RABGEF1: variants seen among roughly 807,000 people sequenced by gnomAD.
The protein encoded by RABGEF1 is RAB guanine nucleotide exchange factor 1, also known as rab5 GDP/GTP exchange factor.
In RABGEF1, 26 loss-of-function variants were observed where a neutral mutation model predicts 57.3. The observed-to-expected ratio is 0.45, with a 90% CI of 0.33 to 0.63. RABGEF1 has a LOEUF of 0.63. Ranked by LOEUF, RABGEF1 falls within the 20% of genes least tolerant of loss-of-function variation. RABGEF1 has a pLI of 0.02. For missense variants in RABGEF1, 464 were observed against 607.6 expected (o/e 0.76, Z 2.48); for synonymous variants, 185 against 210.7 (o/e 0.88, Z 1.06).
chr7:66,761,304 A>C (rs74712376), intron 1 of RABGEF1, among the ~76,000 whole-genome samples: 6,001 of 151,962 alleles, frequency 0.039, 168 homozygotes, highest in East Asian at 0.086. Context: ...ATCAGTTGCA[A>C]CTCTGGGCCT....
At chr7:66,778,684 G>T (rs77336833) in intron 3 of RABGEF1, among the ~76,000 whole-genome samples, 1,898 of 152,236 alleles carry the variant, frequency 0.012, 38 homozygotes, top group African/African-American at 0.042. Flanking sequence ...GGGCTTCTTG[G>T]AGAAGTGACT....
chr7:66,690,402 T>TA (rs1468079894), intron 1 of RABGEF1, among the ~76,000 whole-genome samples: 1 of 148,040 alleles, frequency 6.8e-6, no homozygotes, highest in Non-Finnish European at 1.5e-5. Flanking sequence ...CCCGGCCTGA[T>TA]AAAAAATTCT....
intron 1 of RABGEF1, among the ~76,000 whole-genome samples, chr7:66,691,707 A>G (rs1791542017): frequency 6.6e-6 from 1 of 152,168 alleles, no homozygotes; most frequent in Non-Finnish European, 1.5e-5. Context: ...GTTTGTGTTC[A>G]ATAATTTTGC....
At position 66,783,725 on chromosome 7, in the gene RABGEF1, A is replaced by C; in HGVS notation, c.397A>C (p.Ile133Leu). 1 of 1,612,998 alleles carries C rather than the reference A, an allele frequency of 6.2e-7. No homozygotes were observed. The highest frequency in any genetic ancestry group is 1.3e-5 in the African/African-American group (1 of 75,032). ...TCCTTCCATAAACCGGCAAACCAGC[A>C]TTGAAACGGATAGAGTGTCTAAGGA... Reference protein sequence around the residue: ...PSPSINRQTSIETDRVSKEFI... With the variant: ...PSPSINRQTSLETDRVSKEFI... Residue 133 changes from isoleucine to leucine, a missense_variant, in exon 4 of 9, where the codon ATT (isoleucine) becomes CTT (leucine). Around this residue, in one of 4 missense-constraint regions of RABGEF1, gnomAD observed 284 missense variants for 389.9 expected, o/e 0.73. Transcript: ENST00000284957.
chr7:66,765,000 AG>A (rs1200224859), intron 1 of RABGEF1, among the ~76,000 whole-genome samples: 3 of 152,078 alleles, frequency 2.0e-5, no homozygotes, highest in Non-Finnish European at 4.4e-5. Flanking sequence ...CTAGATATCT[AG>A]CATAGTCTCC....
chr7:66,790,239 C>G (rs1454941380), intron 4 of RABGEF1, among the ~76,000 whole-genome samples: 1 of 152,204 alleles, frequency 6.6e-6, no homozygotes, highest in African/African-American at 2.4e-5. Context: ...GTGAAACTCT[C>G]AACAATGAGT....
Position 66,795,509 on chromosome 7 carries a change from A to G in RABGEF1, c.514-2A>G. 6.2e-7 allele frequency: 1 copy of G among 1,604,558 alleles called. No homozygotes were observed. The highest frequency in any genetic ancestry group is 8.5e-7 in the Non-Finnish European group (1 of 1,171,362). ...AGCAGCCTCTTTGTCTCTCTGTTTC[A>G]GGATCTAAGCATTGAAGAACAGTCA... On this transcript the variant is annotated splice_acceptor_variant, in intron 4 of 8. Coordinates refer to ENST00000284957, the MANE Select transcript of RABGEF1 (RefSeq NM_014504.3). LOFTEE classifies it high-confidence loss of function.
intron 2 of RABGEF1, among the ~76,000 whole-genome samples, chr7:66,725,547 C>T (rs1440497441): frequency 3.3e-5 from 5 of 152,206 alleles, no homozygotes; most frequent in Non-Finnish European, 7.3e-5. Context: ...AATAACATTA[C>T]ATAGTATGGC....
the RABGEF1 span, among the ~76,000 whole-genome samples, chr7:66,659,367 G>A: frequency 4.2e-4 from 64 of 151,664 alleles, no homozygotes; most frequent in African/African-American, 1.4e-3. Context: ...CAGGGGAATC[G>A]CTTGAACACG....
chr7:66,785,459 T>C (rs1810935885), intron 4 of RABGEF1, among the ~76,000 whole-genome samples: 1 of 152,212 alleles, frequency 6.6e-6, no homozygotes, highest in African/African-American at 2.4e-5. Flanking sequence ...CAAGTTAATG[T>C]CCTTTCAAAT....
chr7:66,798,640 C>T (rs1034201640), intron 6 of RABGEF1, among the ~76,000 whole-genome samples: 1 of 152,150 alleles, frequency 6.6e-6, no homozygotes, highest in African/African-American at 2.4e-5. Context: ...TGCCCGTGGC[C>T]TCCTATACAA....
chr7:66,757,943 T>G (rs1285831959), intron 1 of RABGEF1, among the ~76,000 whole-genome samples: 1 of 152,166 alleles, frequency 6.6e-6, no homozygotes, highest in Admixed American at 6.5e-5. Flanking sequence ...TGTCTGTATA[T>G]ATCAGGTTTT....
the RABGEF1 span, among the ~76,000 whole-genome samples, chr7:66,668,045 G>A: frequency 4.5e-4 from 69 of 152,188 alleles, no homozygotes; most frequent in Non-Finnish European, 7.8e-4. Context: ...TGATCTACCG[G>A]CCTTGGCCTC....
At chr7:66,679,721 G>A (rs1162246360), upstream of RABGEF1, among the ~76,000 whole-genome samples, 1 of 152,106 alleles carries the variant, frequency 6.6e-6, no homozygotes, top group Non-Finnish European at 1.5e-5. Context: ...AACCTCTTCT[G>A]CTCAGCTTAT....
At chr7:66,693,189 C>T (rs1791798839) in intron 1 of RABGEF1, among the ~76,000 whole-genome samples, 1 of 152,118 alleles carries the variant, frequency 6.6e-6, no homozygotes, top group Non-Finnish European at 1.5e-5. Context: ...GAACATCTCA[C>T]CCTTCACCCT....
At chr7:66,676,287 A>AAT in the RABGEF1 span, among the ~76,000 whole-genome samples, 15,607 of 150,808 alleles carry the variant, frequency 0.1, 895 homozygotes, top group Non-Finnish European at 0.12. Context: ...CGTTTCAAAA[A>AAT]ATATATATAT....
At chr7:66,785,650 G>A (rs1404475649) in intron 4 of RABGEF1, among the ~76,000 whole-genome samples, 6 of 152,262 alleles carry the variant, frequency 3.9e-5, no homozygotes, top group South Asian at 2.1e-4. Context: ...CGAGGCAGGC[G>A]GATCACAAGG....
At chr7:66,733,166 C>T (rs373206289) in intron 2 of RABGEF1, among the ~76,000 whole-genome samples, 25 of 152,282 alleles carry the variant, frequency 1.6e-4, no homozygotes, top group Admixed American at 5.2e-4. Flanking sequence ...AAGTCTTGGC[C>T]GTTTGGCAGT....
chr7:66,733,598 T>C (rs1373234696), intron 2 of RABGEF1, among the ~76,000 whole-genome samples: 1 of 152,120 alleles, frequency 6.6e-6, no homozygotes, highest in Non-Finnish European at 1.5e-5. Context: ...CTCGGGAGGC[T>C]GAGGCAGAAG....
Sources: allele counts gnomAD v4.1 joint callset (sites outside exome capture counted in the v4.1 genomes callset), GRCh38; gene constraint gnomAD v4.1.1; regional missense constraint gnomAD v4.1.1; transcripts MANE v1.5; gene names NCBI Gene and HGNC (gene_info 2026-07-23, HGNC 2026-07-21).